The following PTPRD variants were observed in gnomAD, a reference collection of about 807,000 sequenced individuals.
The protein encoded by PTPRD is protein tyrosine phosphatase receptor type D, also known as receptor-type tyrosine-protein phosphatase delta.
In PTPRD, 34 loss-of-function variants were observed where a neutral mutation model predicts 214.5. The observed-to-expected ratio is 0.16, with a 90% CI of 0.12 to 0.21. The LOEUF (loss-of-function observed/expected upper bound fraction) is 0.21. Ranked by LOEUF, PTPRD falls within the 10% of genes least tolerant of loss-of-function variation. The pLI, the probability that PTPRD is intolerant of heterozygous loss-of-function variation, is 1.00. For synonymous variants in PTPRD, 1,128 were observed against 845.7 expected (o/e 1.33, Z -5.79); for missense variants, 2,545 against 2,398.7 (o/e 1.06, Z -1.27).
chr9:8,563,802 C>T (rs989262937), intron 14 of PTPRD, among the ~76,000 whole-genome samples: 2 of 152,118 alleles, frequency 1.3e-5, no homozygotes, highest in Admixed American at 6.5e-5. Flanking sequence ...GCTGGGACTA[C>T]AGGCATGTGC....
intron 10 of PTPRD, among the ~76,000 whole-genome samples, chr9:9,122,766 T>C (rs1179245257): frequency 6.6e-6 from 1 of 152,210 alleles, no homozygotes. Context: ...TCTCATCTAA[T>C]GTTTATGCCA....
chr9:9,006,224 C>T (rs552242700), intron 11 of PTPRD, among the ~76,000 whole-genome samples: 1 of 151,890 alleles, frequency 6.6e-6, no homozygotes, highest in South Asian at 2.1e-4. Context: ...GATTTTTCAA[C>T]ATTAAAGTCT....
At chr9:8,948,628 G>T (rs1437910148) in intron 11 of PTPRD, among the ~76,000 whole-genome samples, 1 of 127,070 alleles carries the variant, frequency 7.9e-6, no homozygotes. Context: ...TTTAAGAGTG[G>T]GACATTTTCA....
chr9:8,453,347 G>C (rs2133747775), intron 33 of PTPRD, among the ~76,000 whole-genome samples: 1 of 151,918 alleles, frequency 6.6e-6, no homozygotes, highest in African/African-American at 2.4e-5. Flanking sequence ...GTATTTTTTA[G>C]TAGAGATGTG....
rs543653698 is a variant in PTPRD at position 9,491,480 on chromosome 9, C to T, written c.-237+83252G>A. Among the ~76,000 whole-genome samples, 6 of 151,984 alleles carry T rather than the reference C, an allele frequency of 3.9e-5. No individual in the cohort carries two copies. The South Asian group carries it at 1.0e-3, about 26-fold the overall frequency. On this transcript the variant is annotated intron_variant, in intron 8 of 45. Transcript: ENST00000381196. The stretch of plus-strand genomic sequence containing the variant: ...TACAGAATACTCTTCCCAAAAACAA[C>T]AGCATAAACTTTCTTCTCAAGAGCA...
chr9:9,276,714 G>A (rs188053093), intron 9 of PTPRD, among the ~76,000 whole-genome samples: 1 of 151,308 alleles, frequency 6.6e-6, no homozygotes, highest in Non-Finnish European at 1.5e-5. Flanking sequence ...TGAGAAAATG[G>A]TGCTAAGGCC....
At chr9:10,318,324 C>A (rs2096485048) in intron 3 of PTPRD, among the ~76,000 whole-genome samples, 1 of 151,998 alleles carries the variant, frequency 6.6e-6, no homozygotes, top group Non-Finnish European at 1.5e-5. Context: ...TAGGCTAGAT[C>A]AAGTGTCCTC....
intron 8 of PTPRD, among the ~76,000 whole-genome samples, chr9:9,450,679 G>T (rs373918138): frequency 6.6e-6 from 1 of 151,110 alleles, no homozygotes; most frequent in African/African-American, 2.4e-5. Context: ...TTTTGTTTTC[G>T]TAACTTGATT....
intron 14 of PTPRD, among the ~76,000 whole-genome samples, chr9:8,548,062 C>T (rs578196096): frequency 2.0e-5 from 3 of 152,140 alleles, no homozygotes; most frequent in Admixed American, 1.3e-4. Flanking sequence ...GGGTGAATAA[C>T]GATTTTGCTG....
chr9:8,942,135 G>T (rs755788699), intron 11 of PTPRD, among the ~76,000 whole-genome samples: 1 of 152,106 alleles, frequency 6.6e-6, no homozygotes, highest in Non-Finnish European at 1.5e-5. Flanking sequence ...CAACCTGCTA[G>T]CATGATTTTG....
intron 7 of PTPRD, among the ~76,000 whole-genome samples, chr9:9,664,604 C>A (rs1447479429): frequency 6.6e-6 from 1 of 151,648 alleles, no homozygotes; most frequent in Non-Finnish European, 1.5e-5. Flanking sequence ...ACAGTTCCAT[C>A]AAAAGTTAGA....
intron 5 of PTPRD, among the ~76,000 whole-genome samples, chr9:9,805,522 C>G (rs1183398579): frequency 1.3e-5 from 2 of 151,986 alleles, no homozygotes; most frequent in Non-Finnish European, 2.9e-5. Flanking sequence ...CTGAAGGAAC[C>G]CTTTCAGATT....
At chr9:9,566,783 A>G (rs1311140896) in intron 8 of PTPRD, among the ~76,000 whole-genome samples, 1 of 152,036 alleles carries the variant, frequency 6.6e-6, no homozygotes, top group Non-Finnish European at 1.5e-5. Flanking sequence ...TTTGTGGAAA[A>G]TATTGAAAAG....
chr9:9,331,150 T>C (rs1014882106), intron 9 of PTPRD, among the ~76,000 whole-genome samples: 4 of 152,022 alleles, frequency 2.6e-5, no homozygotes, highest in Non-Finnish European at 5.9e-5. Flanking sequence ...CGGATTGCCA[T>C]GTGATAATGC....
At chr9:10,349,509 A>G (rs2097146730) in intron 2 of PTPRD, among the ~76,000 whole-genome samples, 2 of 152,178 alleles carry the variant, frequency 1.3e-5, no homozygotes, top group South Asian at 4.1e-4. Context: ...ACAAAAATGC[A>G]TATACATAAA....
At chr9:9,716,012 C>A (rs1466601117) in intron 7 of PTPRD, among the ~76,000 whole-genome samples, 1 of 151,698 alleles carries the variant, frequency 6.6e-6, no homozygotes, top group Non-Finnish European at 1.5e-5. Flanking sequence ...TCTCCCCCCA[C>A]CCCACAACAG....
chr9:9,331,107 C>G (rs550170246), intron 9 of PTPRD, among the ~76,000 whole-genome samples: 3 of 152,124 alleles, frequency 2.0e-5, no homozygotes, highest in Middle Eastern at 3.4e-3. Flanking sequence ...ATGTATGAGA[C>G]AGTTTCAAGG....
At chr9:10,305,030 C>T (rs1326575243) in intron 3 of PTPRD, among the ~76,000 whole-genome samples, 4 of 151,852 alleles carry the variant, frequency 2.6e-5, no homozygotes, top group Non-Finnish European at 5.9e-5. Context: ...TACATCAAAA[C>T]AGCATGGTAC....
intron 2 of PTPRD, among the ~76,000 whole-genome samples, chr9:10,418,918 G>A (rs145753900): frequency 1.3e-5 from 2 of 151,834 alleles, no homozygotes; most frequent in Non-Finnish European, 1.5e-5. Flanking sequence ...AGAGGGCCTA[G>A]AGCTGGATCT....
Sources: gnomAD v4.1 joint callset for allele counts (sites outside exome capture counted in the v4.1 genomes callset) on GRCh38, gnomAD v4.1.1 for gene constraint, MANE v1.5 for transcripts, NCBI Gene and HGNC (gene_info 2026-07-23, HGNC 2026-07-21) for gene names.